Variants in ITPKB observed in about 807,000 individuals in gnomAD.
ITPKB encodes the protein inositol-trisphosphate 3-kinase B.
In ITPKB, 13 loss-of-function variants were observed where a neutral mutation model predicts 69.4. The ratio of observed to expected loss-of-function variants is 0.19; its 90% CI spans 0.12 to 0.30. The LOEUF (loss-of-function observed/expected upper bound fraction) is 0.30. ITPKB is among the 10% of genes least tolerant of loss of function. ITPKB has a pLI of 1.00. For synonymous variants in ITPKB, 584 were observed against 513.7 expected (o/e 1.14, Z -1.85); for missense variants, 1,240 against 1,250.5 (o/e 0.99, Z 0.13).
chr1:226,647,312 C>A lies in ITPKB; in HGVS notation c.2101G>T (p.Asp701Tyr). Residue 701 changes from aspartate (D) to tyrosine (Y), a missense_variant, in exon 4 of 8, where the codon GAC becomes TAC. By Grantham distance (160) the Asp-to-Tyr change is radical (BLOSUM62 -3). Around this residue, in one of 2 missense-constraint regions of ITPKB, gnomAD observed 248 missense variants for 396.7 expected, o/e 0.63. Transcript: ENST00000429204. Reference protein sequence around the residue: ...KHCESEQRCLDRLMVDVLRPF... With the variant: ...KHCESEQRCLYRLMVDVLRPF... ...CTCAGCACATCCACCATCAGCCGGT[C>A]CAGGCAGCGCTGCTCTGACTCACAG... 6.2e-7 allele frequency: 1 copy of A among 1,614,196 alleles called. No homozygotes were observed. Among genetic ancestry groups the A allele is most frequent in the Non-Finnish European group, 8.5e-7 (1 of 1,180,018 alleles).
intron 2 of ITPKB, among the ~76,000 whole-genome samples, chr1:226,687,355 T>G (rs544302203): frequency 4.7e-4 from 71 of 152,320 alleles, no homozygotes; most frequent in Non-Finnish European, 8.4e-4. Context: ...TCTCACCCAC[T>G]GTCCACAGTG....
At chr1:226,649,421 A>C (rs1669131356) in intron 2 of ITPKB, among the ~76,000 whole-genome samples, 1 of 117,906 alleles carries the variant, frequency 8.5e-6, no homozygotes, top group African/African-American at 3.5e-5. Flanking sequence ...TGATATGTGC[A>C]TGAGTGTGTG....
chr1:226,660,316 C>T (rs1219024544), intron 2 of ITPKB, among the ~76,000 whole-genome samples: 2 of 152,224 alleles, frequency 1.3e-5, no homozygotes, highest in Non-Finnish European at 2.9e-5. Context: ...TCTTCCTTAG[C>T]GACTCTTTCA....
Position 226,646,216 on chromosome 1 carries a change from T to A in ITPKB, c.2246+951A>T, listed in dbSNP as rs184396836. ...TTGGCATCTGGCCGTCCAGCCCGGG[T>A]GCTGCAGTGAGGGCCAGCCCCACAA... On this transcript the variant is annotated intron_variant, in intron 4 of 7. Transcript: ENST00000429204. Among the ~76,000 whole-genome samples, 671 of 152,236 alleles carry A rather than the reference T, an allele frequency of 4.4e-3. 8 individuals carry two copies. Among genetic ancestry groups the A allele is most frequent in the Non-Finnish European group, 4.7e-3 (323 of 68,008 alleles).
chr1:226,675,437 C>T (rs181759527), intron 2 of ITPKB, among the ~76,000 whole-genome samples: 27 of 152,296 alleles, frequency 1.8e-4, no homozygotes, highest in Non-Finnish European at 2.5e-4. Context: ...TTTTCCAGAA[C>T]GTCTCAGCAC....
intron 2 of ITPKB, among the ~76,000 whole-genome samples, chr1:226,692,208 A>ACT (rs1177337545): frequency 6.6e-6 from 1 of 151,334 alleles, no homozygotes; most frequent in East Asian, 1.9e-4. Context: ...TAAAGCTTAC[A>ACT]CTCTTTCCAT....
At position 226,736,438 on chromosome 1, in the gene ITPKB, C is replaced by T. The variant is rs1571883736; in HGVS notation, c.1021G>A (p.Ala341Thr). 5 of 1,613,368 alleles carry T rather than the reference C, an allele frequency of 3.1e-6. No individual in the cohort carries two copies. The highest frequency in any genetic ancestry group is 4.2e-6 in the Non-Finnish European group (5 of 1,180,018). ...AACTGCCCCTGCCTCTCCACCAGGG[C>T]CTCTGGGGGCTGCAGGTCCTCAAGC... ...RELEDLQPPE[A>T]LVERQGQFLG... is the part of the protein sequence containing the mutation. Residue 341 changes from alanine (A) to threonine (T), a missense_variant, in exon 2 of 8, where the codon GCC (alanine) becomes ACC (threonine). This residue lies in a region of ITPKB where 992 missense variants were observed against 853.8 expected (regional missense o/e 1.16). Transcript: ENST00000429204.
chr1:226,646,053 A>G (rs1669056084), intron 4 of ITPKB, among the ~76,000 whole-genome samples: 1 of 152,130 alleles, frequency 6.6e-6, no homozygotes, highest in South Asian at 2.1e-4. Context: ...TCTCTCACAC[A>G]CACACCCCTC....
chr1:226,728,325 C>A (rs1657483977), intron 2 of ITPKB, among the ~76,000 whole-genome samples: 1 of 152,130 alleles, frequency 6.6e-6, no homozygotes, highest in African/African-American at 2.4e-5. Context: ...CAATAAAATG[C>A]CCAAGTAAAG....
At chr1:226,706,502 A>G (rs977837490) in intron 2 of ITPKB, among the ~76,000 whole-genome samples, 3 of 152,214 alleles carry the variant, frequency 2.0e-5, no homozygotes, top group African/African-American at 7.2e-5. Context: ...AATGTCCTGA[A>G]AGGGCAACAT....
chr1:226,653,848 G>C lies in ITPKB; in HGVS notation c.1933-5077C>G, dbSNP rs74921431. Among the ~76,000 whole-genome samples, 706 of 152,304 alleles carry C rather than the reference G, an allele frequency of 4.6e-3. 3 individuals are homozygous for C. Among genetic ancestry groups the C allele is most frequent in the Middle Eastern group, 0.024 (7 of 294 alleles). ...GCGAACCAGCTGGGGAACTCCCTAGGTGGCTGCACTCCTGGTTACAAGAGC... is the reference window on the plus strand; with the variant it reads ...GCGAACCAGCTGGGGAACTCCCTAGCTGGCTGCACTCCTGGTTACAAGAGC... On this transcript the variant is annotated intron_variant, in intron 2 of 7. Transcript: ENST00000429204.
At chr1:226,700,555 C>T (rs1656614037) in intron 2 of ITPKB, among the ~76,000 whole-genome samples, 1 of 149,514 alleles carries the variant, frequency 6.7e-6, no homozygotes, top group South Asian at 2.1e-4. Flanking sequence ...ACCATCATCA[C>T]AGCTATTAAT....
intron 1 of ITPKB, 23 bp from the exon 2 acceptor site, chr1:226,737,686 G>A (rs1038526213): frequency 3.9e-5 from 36 of 912,188 alleles, no homozygotes; most frequent in Admixed American, 1.6e-4. Flanking sequence ...AAGGAGAAAA[G>A]TCAGGACCCT....
intron 2 of ITPKB, among the ~76,000 whole-genome samples, chr1:226,677,065 T>C (rs1669747509): frequency 6.6e-6 from 1 of 152,170 alleles, no homozygotes. Flanking sequence ...CCAGGCTAGC[T>C]TGGAAGCCTG....
chr1:226,672,251 G>A (rs546048233), intron 2 of ITPKB, among the ~76,000 whole-genome samples: 2 of 152,216 alleles, frequency 1.3e-5, no homozygotes, highest in East Asian at 1.9e-4. Flanking sequence ...CTCACTCCCC[G>A]CCTGAGCTAA....
chr1:226,657,855 C>T (rs1229841466), intron 2 of ITPKB, among the ~76,000 whole-genome samples: 2 of 152,158 alleles, frequency 1.3e-5, no homozygotes, highest in African/African-American at 2.4e-5. Context: ...TATCTGCTTC[C>T]CCCCTATTTA....
At chr1:226,702,397 C>G (rs1267882696) in intron 2 of ITPKB, among the ~76,000 whole-genome samples, 2 of 134,594 alleles carry the variant, frequency 1.5e-5, no homozygotes, top group African/African-American at 6.3e-5. Context: ...GACTCCCTCT[C>G]GGAAAAAAAA....
intron 2 of ITPKB, among the ~76,000 whole-genome samples, chr1:226,718,277 G>C (rs1191460371): frequency 1.5e-5 from 2 of 135,262 alleles, no homozygotes; most frequent in Admixed American, 1.6e-4. Context: ...CTGAGCGACA[G>C]AGCAAGACTT....
intron 2 of ITPKB, among the ~76,000 whole-genome samples, chr1:226,663,721 G>T (rs754669660): frequency 5.3e-5 from 8 of 152,084 alleles, no homozygotes; most frequent in African/African-American, 1.9e-4. Flanking sequence ...GGGTTTTGCC[G>T]TGTTGCCCAG....
Sources: gnomAD v4.1 joint callset for allele counts (sites outside exome capture counted in the v4.1 genomes callset) on GRCh38, gnomAD v4.1.1 for gene constraint, gnomAD v4.1.1 regional missense constraint, MANE v1.5 for transcripts, NCBI Gene and HGNC (gene_info 2026-07-23, HGNC 2026-07-21) for gene names.